POU2F3: variants seen among roughly 807,000 people sequenced by gnomAD.
POU2F3 encodes the protein POU domain, class 2, transcription factor 3.
A neutral mutation model predicts 59.2 loss-of-function variants in POU2F3; 23 were observed. That is an observed-to-expected ratio of 0.39 (90% CI 0.28 to 0.55). The LOEUF is 0.55. Ranked by LOEUF, POU2F3 falls within the 20% of genes least tolerant of loss-of-function variation. POU2F3 has a pLI of 0.66. For missense variants in POU2F3, 473 were observed against 544.5 expected (o/e 0.87, Z 1.31); for synonymous variants, 190 against 214.6 (o/e 0.89, Z 1.00).
At chr11:120,277,462 A>G (rs897299256) in intron 3 of POU2F3, among the ~76,000 whole-genome samples, 2 of 151,750 alleles carry the variant, frequency 1.3e-5, no homozygotes, top group Non-Finnish European at 2.9e-5. Context: ...AAACCCCTTT[A>G]ATATCTTAGA....
At position 120,259,547 on chromosome 11, in the gene POU2F3, C is replaced by T. The variant is rs1939504994; in HGVS notation, c.98-9663C>T. Among the ~76,000 whole-genome samples, 4 of 152,230 alleles carry T rather than the reference C, an allele frequency of 2.6e-5. No homozygotes were observed. In the South Asian group the frequency reaches 8.3e-4, roughly 31 times the overall value. ...GAGAAATAAGACTCAGACCTCCCAA[C>T]TCCTAAACCAGTGCTCTTCCCACAG... is the stretch of plus-strand genomic sequence containing the variant. On this transcript the variant is annotated intron_variant, in intron 2 of 12. Coordinates refer to ENST00000543440, the MANE Select transcript of POU2F3 (RefSeq NM_014352.4).
upstream of POU2F3, among the ~76,000 whole-genome samples, chr11:120,238,926 T>C (rs746994380): frequency 6.0e-5 from 9 of 150,092 alleles, no homozygotes; most frequent in Non-Finnish European, 1.3e-4. Context: ...TAGTACAATG[T>C]ACAGGTTTTG....
chr11:120,256,033 G>C (rs886181043), intron 2 of POU2F3: 1 of 152,152 alleles, frequency 6.6e-6, no homozygotes. Context: ...TCCCTCTTTC[G>C]GCTGGAGTTT....
chr11:120,305,089 G>C lies in POU2F3; in HGVS notation c.504G>C (p.Gln168His), dbSNP rs150249219. Residue 168 changes from glutamine (Q) to histidine (H), a missense_variant, in exon 7 of 13, where the codon CAG becomes CAC. Physicochemically the swap from Gln to His is conservative, Grantham distance 24. Coordinates refer to ENST00000543440, the MANE Select transcript of POU2F3 (RefSeq NM_014352.4). ...TAGAACCCCACCTGGAAGCATCCCA[G>C]CATCTCCCAGTGCCCAAGCATCTAC... ...SSLEPHLEASQHLPVPKHLPS... is the reference protein window; with the variant it reads ...SSLEPHLEASHHLPVPKHLPS... The C allele has an allele frequency of 5.0e-6, 8 of 1,613,618 alleles. No individual in the cohort carries two copies. The African/African-American group carries it at 8.0e-5, about 16-fold the overall frequency.
At chr11:120,311,315 G>A (rs1211819834) in intron 10 of POU2F3, among the ~76,000 whole-genome samples, 2 of 152,172 alleles carry the variant, frequency 1.3e-5, no homozygotes, top group Non-Finnish European at 2.9e-5. Flanking sequence ...GGCTTGAAAG[G>A]CCCAAGATGG....
At chr11:120,288,223 C>G (rs1001542135) in intron 3 of POU2F3, among the ~76,000 whole-genome samples, 3 of 150,158 alleles carry the variant, frequency 2.0e-5, no homozygotes, top group Non-Finnish European at 4.4e-5. Context: ...TCCCTGAGGG[C>G]ATGGTTGCTT....
chr11:120,307,263 T>C (rs551560482), intron 8 of POU2F3, among the ~76,000 whole-genome samples: 1 of 152,240 alleles, frequency 6.6e-6, no homozygotes, highest in East Asian at 1.9e-4. Flanking sequence ...CAGAAGGCCA[T>C]GGAGGACAAT....
intron 3 of POU2F3, among the ~76,000 whole-genome samples, chr11:120,271,000 C>T (rs1037111406): frequency 2.0e-5 from 3 of 152,184 alleles, no homozygotes; most frequent in Admixed American, 2.0e-4. Flanking sequence ...GGCCTGAAGT[C>T]ACTATTAACA....
intron 1 of POU2F3, among the ~76,000 whole-genome samples, chr11:120,245,970 C>G (rs1457629365): frequency 6.6e-6 from 1 of 152,148 alleles, no homozygotes; most frequent in African/African-American, 2.4e-5. Flanking sequence ...AAGGGCAAGC[C>G]TTGGTTTAAG....
intron 3 of POU2F3, among the ~76,000 whole-genome samples, chr11:120,270,591 T>C (rs533950962): frequency 6.6e-6 from 1 of 152,262 alleles, no homozygotes; most frequent in African/African-American, 2.4e-5. Context: ...TCCCTTAGAT[T>C]CTGCTATCCT....
At chr11:120,302,484 A>T in intron 6 of POU2F3, 116 bp downstream of exon 6, 11 of 931,962 alleles carry the variant, frequency 1.2e-5, no homozygotes, top group East Asian at 2.8e-5. Flanking sequence ...GGGAGAGGGG[A>T]TAGCAGGGAA....
chr11:120,265,183 C>T (rs1357343219), intron 2 of POU2F3: 1 of 152,312 alleles, frequency 6.6e-6, no homozygotes, highest in African/African-American at 2.4e-5. Context: ...GCGGTGGTTC[C>T]TCTTCAGCCA....
In POU2F3 at chr11:120,269,727, C is replaced by G. The variant is rs183137556; in HGVS notation, c.132+483C>G. 1.4e-3 allele frequency among the ~76,000 whole-genome samples: 206 copies of G among 152,200 alleles called. 1 individual carries two copies. Among genetic ancestry groups the G allele is most frequent in the South Asian group, 8.9e-3 (43 of 4,816 alleles). Reference sequence around the variant, plus strand: ...TCAAAAAAGAGCAGGTAACCAGGCTCGGGGGCAATGTAGACATGCGCCTGG... The same window carrying G: ...TCAAAAAAGAGCAGGTAACCAGGCTGGGGGGCAATGTAGACATGCGCCTGG... On this transcript the variant is annotated intron_variant, in intron 3 of 12. Coordinates refer to ENST00000543440, the MANE Select transcript of POU2F3 (RefSeq NM_014352.4).
chr11:120,316,387 G>C (rs1343602116), intron 11 of POU2F3, among the ~76,000 whole-genome samples: 1 of 152,196 alleles, frequency 6.6e-6, no homozygotes, highest in East Asian at 1.9e-4. Context: ...CCAAGACAGG[G>C]CTCAGGTCCC....
Position 120,249,139 on chromosome 11 carries a change from G to T in POU2F3, c.97+2622G>T, listed in dbSNP as rs61898298. Among the ~76,000 whole-genome samples, 8,719 of 152,168 alleles carry T rather than the reference G, an allele frequency of 0.057. 1,143 individuals carry two copies. The East Asian group carries it at 0.61, about 11-fold the overall frequency. On this transcript the variant is annotated intron_variant, in intron 2 of 12. Transcript: ENST00000543440. ...CCTGGCTGGTGGAGACGTGGCCGGG[G>T]GCACATGTTTTCCTTTCTTTGGCCT...
chr11:120,258,311 T>A (rs1263317649), intron 2 of POU2F3, among the ~76,000 whole-genome samples: 1 of 152,146 alleles, frequency 6.6e-6, no homozygotes, highest in Non-Finnish European at 1.5e-5. Context: ...CTGGCAAGGC[T>A]GGGGTAAGGC....
intron 10 of POU2F3, among the ~76,000 whole-genome samples, chr11:120,313,094 A>G (rs7122401): frequency 0.67 from 100,845 of 151,642 alleles, 33,993 homozygotes; most frequent in Admixed American, 0.71. Context: ...GTTGGGAATC[A>G]TAGGCCTTGT....
upstream of POU2F3, chr11:120,236,827 G>A (rs1286713835): frequency 1.1e-5 from 11 of 988,226 alleles, no homozygotes; most frequent in Non-Finnish European, 1.7e-5. Flanking sequence ...ACACAGGTGG[G>A]ACTTAGAGGG....
At chr11:120,297,353 G>A (rs1477051385) in intron 3 of POU2F3, among the ~76,000 whole-genome samples, 7 of 152,204 alleles carry the variant, frequency 4.6e-5, no homozygotes, top group Non-Finnish European at 1.5e-5. Flanking sequence ...GGTGGAGACT[G>A]GAGAGAGGTT....
Sources: allele counts gnomAD v4.1 joint callset (sites outside exome capture counted in the v4.1 genomes callset), GRCh38; gene constraint gnomAD v4.1.1; transcripts MANE v1.5; gene names NCBI Gene and HGNC (gene_info 2026-07-23, HGNC 2026-07-21).